TASP1: variants seen among roughly 807,000 people sequenced by gnomAD.
TASP1 encodes taspase 1.
TASP1 carries 16 observed loss-of-function variants against 56.6 expected under a neutral mutation model. That is an observed-to-expected ratio of 0.28 (90% CI 0.19 to 0.43). The LOEUF is 0.43. TASP1 is among the 20% of genes least tolerant of loss of function. The probability of loss-of-function intolerance (pLI) is 1.00; values close to 1 mark genes in which losing one functional copy is unlikely to be tolerated. For synonymous variants in TASP1, 179 were observed against 184.2 expected (o/e 0.97, Z 0.23); for missense variants, 393 against 511.6 (o/e 0.77, Z 2.24).
At chr20:13,505,568 G>C (rs1392636421) in intron 10 of TASP1, among the ~76,000 whole-genome samples, 1 of 152,004 alleles carries the variant, frequency 6.6e-6, no homozygotes, top group African/African-American at 2.4e-5. Flanking sequence ...ATCATACCAA[G>C]TCTTTCCCAG....
the TASP1 span, among the ~76,000 whole-genome samples, chr20:13,318,160 T>TAAATAAATAAATAAAA: frequency 2.9e-3 from 434 of 151,248 alleles, no homozygotes; most frequent in Non-Finnish European, 4.1e-3. Flanking sequence ...AATAAATAAA[T>TAAATAAATAAATAAAA]AAAAATGAGC....
intron 10 of TASP1, among the ~76,000 whole-genome samples, chr20:13,504,855 A>T (rs1191813112): frequency 2.6e-5 from 4 of 152,144 alleles, no homozygotes; most frequent in Admixed American, 1.3e-4. Flanking sequence ...ACATTACAGA[A>T]AGTCATCAAA....
intron 7 of TASP1, among the ~76,000 whole-genome samples, chr20:13,564,534 T>G (rs1346744581): frequency 6.7e-6 from 1 of 149,568 alleles, no homozygotes; most frequent in Non-Finnish European, 1.5e-5. Flanking sequence ...TTCAGTGTAA[T>G]CCCTAACAAA....
At chr20:13,276,677 CTG>C in the TASP1 span, among the ~76,000 whole-genome samples, 31,886 of 152,134 alleles carry the variant, frequency 0.21, 4,206 homozygotes, top group African/African-American at 0.37. Flanking sequence ...GTTTGGAAAT[CTG>C]TGCTCACTCC....
the TASP1 span, among the ~76,000 whole-genome samples, chr20:13,107,452 G>T: frequency 2.8e-4 from 43 of 152,186 alleles, no homozygotes; most frequent in Non-Finnish European, 1.0e-4. Context: ...ATAAGTGTGT[G>T]TTGAATTGTG....
chr20:13,374,380 C>T, the TASP1 span, among the ~76,000 whole-genome samples: 3 of 148,496 alleles, frequency 2.0e-5, no homozygotes, highest in African/African-American at 5.0e-5. Context: ...CAGAGTCTTG[C>T]TCTTTCGCCC....
the TASP1 span, among the ~76,000 whole-genome samples, chr20:13,194,047 G>C: frequency 6.6e-6 from 1 of 152,110 alleles, no homozygotes; most frequent in Non-Finnish European, 1.5e-5. Context: ...TCCTTTTAGT[G>C]GCTACCGTTG....
the TASP1 span, among the ~76,000 whole-genome samples, chr20:13,265,363 TG>T: frequency 3.9e-5 from 6 of 152,238 alleles, no homozygotes; most frequent in Non-Finnish European, 1.5e-5. Context: ...CTACCTCAAA[TG>T]GTAACAGTAG....
chr20:13,205,011 G>T, the TASP1 span, among the ~76,000 whole-genome samples: 1 of 152,094 alleles, frequency 6.6e-6, no homozygotes, highest in Non-Finnish European at 1.5e-5. Context: ...TACCTATGTT[G>T]CCTCTTACCA....
At chr20:13,378,018 T>C in the TASP1 span, among the ~76,000 whole-genome samples, 2 of 152,088 alleles carry the variant, frequency 1.3e-5, no homozygotes, top group African/African-American at 4.8e-5. Flanking sequence ...TTTTTTCAAA[T>C]AACCCGCTCC....
At chr20:13,130,713 A>G in the TASP1 span, among the ~76,000 whole-genome samples, 2 of 152,220 alleles carry the variant, frequency 1.3e-5, no homozygotes, top group African/African-American at 4.8e-5. Flanking sequence ...TGAGGAGTGC[A>G]GTGAGCCCAA....
chr20:13,174,064 C>A, the TASP1 span, among the ~76,000 whole-genome samples: 7 of 152,102 alleles, frequency 4.6e-5, no homozygotes, highest in Non-Finnish European at 1.0e-4. Flanking sequence ...TCATTCCTGC[C>A]CCATCCCCAG....
chr20:13,328,262 A>G, the TASP1 span, among the ~76,000 whole-genome samples: 1 of 152,188 alleles, frequency 6.6e-6, no homozygotes, highest in Non-Finnish European at 1.5e-5. Context: ...ATGAGATACC[A>G]TCTCACGCCC....
the TASP1 span, among the ~76,000 whole-genome samples, chr20:13,211,325 A>T: frequency 6.6e-6 from 1 of 152,122 alleles, no homozygotes; most frequent in Non-Finnish European, 1.5e-5. Flanking sequence ...AACTTGTTTT[A>T]TTCTGCATAA....
intron 10 of TASP1, among the ~76,000 whole-genome samples, chr20:13,507,324 G>C (rs755463761): frequency 6.6e-6 from 1 of 152,102 alleles, no homozygotes; most frequent in Non-Finnish European, 1.5e-5. Flanking sequence ...CTTGAGTCCA[G>C]GAGTTTGAGA....
chr20:13,288,757 A>C, the TASP1 span: 1 of 1,416,032 alleles, frequency 7.1e-7, no homozygotes, highest in Non-Finnish European at 9.7e-7. Context: ...ACTTAGTGAC[A>C]TTGTCTTTTT....
the TASP1 span, among the ~76,000 whole-genome samples, chr20:13,312,163 A>ATATGTGATATATTT: frequency 1.3e-5 from 2 of 152,222 alleles, no homozygotes; most frequent in Non-Finnish European, 2.9e-5. Flanking sequence ...TATCTTCTGT[A>ATATGTGATATATTT]TATGTGATAT....
chr20:13,255,577 C>G, the TASP1 span, among the ~76,000 whole-genome samples: 2 of 152,156 alleles, frequency 1.3e-5, no homozygotes, highest in Non-Finnish European at 2.9e-5. Flanking sequence ...TAGGAGTTTT[C>G]TATGTGGATA....
chr20:13,105,651 A>T, the TASP1 span, among the ~76,000 whole-genome samples: 1 of 152,198 alleles, frequency 6.6e-6, no homozygotes, highest in Non-Finnish European at 1.5e-5. Flanking sequence ...TATTCATTTT[A>T]AAATGACTAC....
Sources: gnomAD v4.1 joint callset for allele counts (sites outside exome capture counted in the v4.1 genomes callset) on GRCh38, gnomAD v4.1.1 for gene constraint, MANE v1.5 for transcripts, NCBI Gene and HGNC (gene_info 2026-07-23, HGNC 2026-07-21) for gene names.